The following ADGRF3 variants were observed in gnomAD, a reference collection of about 807,000 sequenced individuals.
The protein encoded by ADGRF3 is G protein-coupled receptor 113.
A neutral mutation model predicts 93.2 loss-of-function variants in ADGRF3; 85 were observed. The observed-to-expected ratio is 0.91, with a 90% CI of 0.77 to 1.09. The LOEUF (loss-of-function observed/expected upper bound fraction) is 1.09. ADGRF3 is among the 50% of genes least tolerant of loss of function. The pLI, the probability that ADGRF3 is intolerant of heterozygous loss-of-function variation, is 0.00. For synonymous variants in ADGRF3, 534 were observed against 532.5 expected (o/e 1.00, Z -0.04); for missense variants, 1,125 against 1,246.2 (o/e 0.90, Z 1.46).
rs1558380487 is a variant in ADGRF3 at position 26,311,879 on chromosome 2, G to C, written c.1645C>G (p.Pro549Ala). Residue 549 changes from proline (P) to alanine (A), a missense_variant, in exon 10 of 14, where the codon CCC becomes GCC. By Grantham distance (27) the Pro-to-Ala change is conservative (BLOSUM62 -1). Coordinates refer to ENST00000651242, the MANE Select transcript of ADGRF3 (RefSeq NM_001321971.2). ...ATGCTGTAGTCAGCAGGAAACGTGG[G>C]TCCAAACAGCTGGCTCTGCAGCAGC... is the stretch of plus-strand genomic sequence containing the variant. ...NVLLQSQLFGPTFPADYSISF... is the reference protein window; with the variant it reads ...NVLLQSQLFGATFPADYSISF... 1 of 1,613,928 alleles carries C rather than the reference G, an allele frequency of 6.2e-7. No individual in the cohort carries two copies. The highest frequency in any genetic ancestry group is 1.1e-5 in the South Asian group (1 of 91,066).
At chr2:26,334,962 CAT>C (rs1444941131) in intron 1 of ADGRF3, among the ~76,000 whole-genome samples, 2 of 152,048 alleles carry the variant, frequency 1.3e-5, no homozygotes, top group Admixed American at 1.3e-4. Flanking sequence ...AACAGGTATG[CAT>C]ATGTTATTTT....
At chr2:26,339,940 C>T (rs144133086) in intron 1 of ADGRF3, among the ~76,000 whole-genome samples, 14 of 152,280 alleles carry the variant, frequency 9.2e-5, no homozygotes, top group South Asian at 2.1e-4. Flanking sequence ...CAAGTTTTCC[C>T]GTTTTAAACC....
At chr2:26,331,376 C>A (rs1675757618) in intron 1 of ADGRF3, among the ~76,000 whole-genome samples, 1 of 152,102 alleles carries the variant, frequency 6.6e-6, no homozygotes, top group Non-Finnish European at 1.5e-5. Flanking sequence ...ATGGCGAAAC[C>A]CTGTCTCTAC....
chr2:26,328,779 C>T (rs1003035324), intron 1 of ADGRF3, among the ~76,000 whole-genome samples: 3 of 152,136 alleles, frequency 2.0e-5, no homozygotes, highest in African/African-American at 7.2e-5. Flanking sequence ...TCCACAGATC[C>T]CAGTGGCTCT....
At position 26,313,134 on chromosome 2, in the gene ADGRF3, G is replaced by A. The variant is rs767442940; in HGVS notation, c.1270-12C>T. On this transcript the variant is annotated splice_polypyrimidine_tract_variant and intron_variant, in intron 8 of 13. Transcript: ENST00000651242. Reference sequence around the variant, plus strand: ...CCTGCCTGCAGCAGCTGAGACAGACGAGACAGCATGAAGTGGGACACATGG... The same window carrying A: ...CCTGCCTGCAGCAGCTGAGACAGACAAGACAGCATGAAGTGGGACACATGG... 23 of 1,613,272 alleles carry A rather than the reference G, an allele frequency of 1.4e-5. No individual in the cohort carries two copies. Among genetic ancestry groups the A allele is most frequent in the Non-Finnish European group, 1.7e-5 (20 of 1,179,634 alleles).
At chr2:26,333,459 G>A (rs935102821) in intron 1 of ADGRF3, among the ~76,000 whole-genome samples, 1 of 1,012 alleles carries the variant, frequency 9.9e-4, no homozygotes, top group African/African-American at 1.4e-3. Context: ...CTCTAATCAC[G>A]TGGTTGGTTC....
chr2:26,311,519 G>A lies in ADGRF3; in HGVS notation c.2005C>T (p.Gln669Ter), dbSNP rs2147865309. The A allele has an allele frequency of 6.2e-7, 1 of 1,614,036 alleles. No individual in the cohort carries two copies. Among genetic ancestry groups the A allele is most frequent in the Non-Finnish European group, 8.5e-7 (1 of 1,179,904 alleles). The change falls in exon 10 of 14, where the codon CAG becomes TAG. Residue 669 changes from glutamine (Q) to a stop codon, truncating the protein, a stop_gained. Coordinates refer to ENST00000651242, the MANE Select transcript of ADGRF3 (RefSeq NM_001321971.2). LOFTEE classifies it high-confidence loss of function. ...GCAGTGGGGCTGGCACTGGCCACCT[G>A]TGCCTGGCACCCTTCTTTGGACCAA... ...GGWSKEGCQA[Q>*]VASASPTAQC...
At chr2:26,339,112 C>CA (rs1676224692) in intron 1 of ADGRF3, among the ~76,000 whole-genome samples, 1 of 29,216 alleles carries the variant, frequency 3.4e-5, no homozygotes, top group Non-Finnish European at 6.3e-5. Flanking sequence ...AAGACTCCGT[C>CA]ACAAAAAAAA....
chr2:26,345,794 G>T, intron 1 of ADGRF3: 1 of 359,108 alleles, frequency 2.8e-6, no homozygotes, highest in Non-Finnish European at 5.2e-6. Flanking sequence ...ACGCAAGTGC[G>T]GATACCACAG....
chr2:26,321,762 A>C, intron 1 of ADGRF3, among the ~76,000 whole-genome samples: 1 of 151,996 alleles, frequency 6.6e-6, no homozygotes, highest in East Asian at 1.9e-4. Context: ...TCCTGAGGTC[A>C]GGAGTTCGAG....
chr2:26,334,288 C>CAAA (rs34910544), intron 1 of ADGRF3, among the ~76,000 whole-genome samples: 2 of 110,462 alleles, frequency 1.8e-5, no homozygotes, highest in Middle Eastern at 4.4e-3. Context: ...GCTATCATCT[C>CAAA]AAAAAAAAAA....
At chr2:26,339,324 C>A (rs977435398) in intron 1 of ADGRF3, among the ~76,000 whole-genome samples, 5 of 151,828 alleles carry the variant, frequency 3.3e-5, no homozygotes, top group African/African-American at 1.2e-4. Flanking sequence ...GGTGAAACCC[C>A]ACCTCTACTA....
intron 1 of ADGRF3, among the ~76,000 whole-genome samples, chr2:26,341,996 C>G (rs1315238900): frequency 6.6e-6 from 1 of 151,780 alleles, no homozygotes; most frequent in African/African-American, 2.4e-5. Context: ...TGGCGTGAAC[C>G]CGGGAGGCGG....
rs554202764 is a variant in ADGRF3, at chr2:26,310,177, G to A, written c.2874+19C>T. The A allele has an allele frequency of 5.0e-6, 8 of 1,614,060 alleles. No homozygotes were observed. In the East Asian group the frequency reaches 1.3e-4, roughly 27 times the overall value. ...CTGCGGGCTGCAAGTGAGGCAGGGG[G>A]TTAGGTGGGCAGACTTACCTTCCTG... On this transcript the variant is annotated intron_variant, in intron 11 of 13. Coordinates refer to ENST00000651242, the MANE Select transcript of ADGRF3 (RefSeq NM_001321971.2).
intron 12 of ADGRF3, 61 bp downstream of exon 12, chr2:26,309,982 A>G (rs1673911424): frequency 6.2e-7 from 1 of 1,614,048 alleles, no homozygotes; most frequent in Non-Finnish European, 8.5e-7. Context: ...GAGGAGGGCC[A>G]TGGAATGCCT....
At chr2:26,326,533 A>C (rs1427477848) in intron 1 of ADGRF3, among the ~76,000 whole-genome samples, 2 of 152,164 alleles carry the variant, frequency 1.3e-5, no homozygotes, top group African/African-American at 4.8e-5. Flanking sequence ...GTGAGCAGGA[A>C]AACTGAAAAA....
intron 1 of ADGRF3, among the ~76,000 whole-genome samples, chr2:26,342,819 T>C (rs1223369246): frequency 6.6e-6 from 1 of 152,238 alleles, no homozygotes; most frequent in East Asian, 1.9e-4. Flanking sequence ...GAATAAAATT[T>C]GGGAACGAGG....
rs200475064 is a variant in ADGRF3 at position 26,311,788 on chromosome 2, C to T, written c.1736G>A (p.Arg579His). The change falls in exon 10 of 14, where the codon CGT (arginine) becomes CAT (histidine). Residue 579 changes from arginine to histidine, a missense_variant. Arg to His is a conservative substitution (Grantham distance 29). Transcript: ENST00000651242. The stretch of plus-strand genomic sequence containing the variant: ...AGTAATACTTATTTCAGTTCCATTA[C>T]GGACCAATGGGGCCAGTGAGTGCCT... ...IPRHSLAPLV[R>H]NGTEISITSL... 1.2e-5 allele frequency: 20 copies of T among 1,613,608 alleles called. No homozygotes were observed. The highest frequency in any genetic ancestry group is 4.0e-5 in the African/African-American group (3 of 74,918).
rs759586939 is a variant in ADGRF3, at chr2:26,315,555, G to A, written c.685C>T (p.Leu229Phe). 9.7e-6 allele frequency: 15 copies of A among 1,551,440 alleles called. No homozygotes were observed. Among genetic ancestry groups the A allele is most frequent in the Non-Finnish European group, 1.3e-5 (15 of 1,146,984 alleles). ...TGATGGGACATGTTGGAGACGCTGA[G>A]GGCAGCCTGGCCGTGGCTGGAAGTC... Reference protein sequence around the residue: ...SVTSSHGQAALSVSNMSHHWA... With the variant: ...SVTSSHGQAAFSVSNMSHHWA... Residue 229 changes from leucine to phenylalanine, a missense_variant, in exon 5 of 14, where the codon CTC becomes TTC. By Grantham distance (22) the Leu-to-Phe change is conservative (BLOSUM62 0). Transcript: ENST00000651242.
Sources: allele counts gnomAD v4.1 joint callset (sites outside exome capture counted in the v4.1 genomes callset), GRCh38; gene constraint gnomAD v4.1.1; transcripts MANE v1.5; gene names NCBI Gene and HGNC (gene_info 2026-07-23, HGNC 2026-07-21).